The following RAB27B variants were observed in gnomAD, a reference collection of about 807,000 sequenced individuals.
The protein encoded by RAB27B is RAB27B, member RAS oncogene family, also known as ras-related protein Rab-27B.
Under a neutral mutation model 24.6 loss-of-function variants are expected in RAB27B, and 15 were observed. The ratio of observed to expected loss-of-function variants is 0.61; its 90% CI spans 0.41 to 0.94. RAB27B has a LOEUF of 0.94. RAB27B is among the 40% of genes least tolerant of loss of function. The pLI is 0.00. For missense variants in RAB27B, 261 were observed against 266.8 expected (o/e 0.98, Z 0.15); for synonymous variants, 105 against 92.5 (o/e 1.14, Z -0.78).
At position 54,884,905 on chromosome 18, in the gene RAB27B, G is replaced by A. The variant is rs79298285; in HGVS notation, c.343+469G>A. ...GGTGTGAAACCAGAGCAGACCAGTC[G>A]CATGATGATAAGGTGAGGCATAGCA... On this transcript the variant is annotated intron_variant, in intron 4 of 5. Transcript: ENST00000262094. Among the ~76,000 whole-genome samples the A allele has an allele frequency of 7.4e-3, 1,124 of 152,216 alleles. 6 individuals carry two copies. Among genetic ancestry groups the A allele is most frequent in the African/African-American group, 0.025 (1,027 of 41,532 alleles).
At chr18:54,788,162 T>A (rs975014293) in intron 2 of RAB27B, among the ~76,000 whole-genome samples, 8 of 152,136 alleles carry the variant, frequency 5.3e-5, no homozygotes, top group African/African-American at 1.9e-4. Context: ...CAAACTCAAA[T>A]GGGAGAAATT....
Position 54,819,980 on chromosome 18 carries a change from C to T in RAB27B, c.-19-57587C>T, listed in dbSNP as rs149932786. 8.5e-4 allele frequency among the ~76,000 whole-genome samples: 130 copies of T among 152,154 alleles called. No homozygotes were observed. The East Asian group carries it at 0.021, about 24-fold the overall frequency. ...ATTTTTTTGGCTGCATAGTATTCCACGGTGTATATGTGCCACATTTTCTTA... is the reference window on the plus strand; with the variant it reads ...ATTTTTTTGGCTGCATAGTATTCCATGGTGTATATGTGCCACATTTTCTTA... On this transcript the variant is annotated intron_variant, in intron 2 of 4. Coordinates refer to the RAB27B transcript ENST00000586570.
chr18:54,785,713 T>C (rs1357999334), intron 2 of RAB27B, among the ~76,000 whole-genome samples: 1 of 152,164 alleles, frequency 6.6e-6, no homozygotes, highest in African/African-American at 2.4e-5. Context: ...GTTAGGAACA[T>C]GAAAGGTATT....
At chr18:54,719,551 C>T (rs1909294322) in intron 2 of RAB27B, among the ~76,000 whole-genome samples, 1 of 151,926 alleles carries the variant, frequency 6.6e-6, no homozygotes, top group Non-Finnish European at 1.5e-5. Flanking sequence ...TGCTATATAA[C>T]ATTTCTTAGG....
intron 2 of RAB27B, among the ~76,000 whole-genome samples, chr18:54,773,411 A>T (rs144781808): frequency 2.0e-5 from 3 of 152,302 alleles, no homozygotes; most frequent in Admixed American, 6.5e-5. Flanking sequence ...CCAAAAGGAA[A>T]CAGACCACAA....
intron 2 of RAB27B, among the ~76,000 whole-genome samples, chr18:54,821,273 A>G (rs1568080461): frequency 6.6e-6 from 1 of 152,140 alleles, no homozygotes; most frequent in Non-Finnish European, 1.5e-5. Context: ...TCATGAGTGA[A>G]CTCCCATTCA....
chr18:54,786,630 T>G (rs1909095281), intron 2 of RAB27B, among the ~76,000 whole-genome samples: 1 of 152,274 alleles, frequency 6.6e-6, no homozygotes, highest in African/African-American at 2.4e-5. Flanking sequence ...AATTATTCTA[T>G]AAGTTCTTTA....
rs188147971 is a variant in RAB27B, at chr18:54,786,813, G to A, written c.-20+68672G>A. On this transcript the variant is annotated intron_variant, in intron 2 of 4. Transcript: ENST00000586570. ...TTTATCAACTGCAACTGAAAGAGGT[G>A]TGTTGACAATTAAATTCAGTTCAAT... 2.5e-3 allele frequency among the ~76,000 whole-genome samples: 385 copies of A among 152,312 alleles called. 1 individual carries two copies. The highest frequency in any genetic ancestry group is 8.9e-3 in the African/African-American group (371 of 41,568).
At chr18:54,780,349 T>C (rs1433139058) in intron 2 of RAB27B, among the ~76,000 whole-genome samples, 1 of 127,198 alleles carries the variant, frequency 7.9e-6, no homozygotes. Context: ...TCCCCTCTCC[T>C]GATGGTCTCC....
At chr18:54,777,762 C>G (rs1908761584) in intron 2 of RAB27B, among the ~76,000 whole-genome samples, 1 of 152,036 alleles carries the variant, frequency 6.6e-6, no homozygotes, top group Non-Finnish European at 1.5e-5. Flanking sequence ...TTTCTTATTT[C>G]CTTTATGCTG....
chr18:54,853,400 C>T (rs1911662778), intron 1 of RAB27B, among the ~76,000 whole-genome samples: 1 of 152,030 alleles, frequency 6.6e-6, no homozygotes, highest in Non-Finnish European at 1.5e-5. Flanking sequence ...AACTTGATGC[C>T]TGGCAGTCTA....
intron 2 of RAB27B, among the ~76,000 whole-genome samples, chr18:54,796,550 G>A (rs1433331239): frequency 6.6e-6 from 1 of 152,144 alleles, no homozygotes; most frequent in Non-Finnish European, 1.5e-5. Context: ...CTGGAGTCAG[G>A]ATGCCCAGAG....
rs1232824435 is a variant in RAB27B, at chr18:54,852,569, T to C, written c.-20+23869T>C. Among the ~76,000 whole-genome samples the C allele has an allele frequency of 1.3e-5, 2 of 152,230 alleles. 1 individual carries two copies. The highest frequency in any genetic ancestry group is 1.3e-4 in the Admixed American group (2 of 15,288). ...AGAAACCAAACAGGTCAAATTTCTT[T>C]AGGCTCAAGTTTCTTTGATCTGTAT... On this transcript the variant is annotated intron_variant, in intron 1 of 5. Coordinates refer to ENST00000262094, the MANE Select transcript of RAB27B (RefSeq NM_004163.4).
intron 1 of RAB27B, chr18:54,718,048 TTTATG>T (rs1311027615): frequency 6.6e-6 from 1 of 152,170 alleles, no homozygotes; most frequent in African/African-American, 2.4e-5. Flanking sequence ...ACTATATTAT[TTTATG>T]TTAATTTCCA....
chr18:54,776,828 G>A (rs1022170172), intron 2 of RAB27B, among the ~76,000 whole-genome samples: 3 of 152,118 alleles, frequency 2.0e-5, no homozygotes, highest in African/African-American at 7.2e-5. Flanking sequence ...GGAGGCCAAG[G>A]CTGGTGAATC....
intron 2 of RAB27B, among the ~76,000 whole-genome samples, chr18:54,813,191 A>G (rs1318561688): frequency 1.3e-5 from 2 of 152,192 alleles, no homozygotes; most frequent in African/African-American, 4.8e-5. Context: ...TGAAAAATAA[A>G]TAAGATAGGA....
At chr18:54,760,289 A>G (rs778239826) in intron 2 of RAB27B, among the ~76,000 whole-genome samples, 17 of 152,146 alleles carry the variant, frequency 1.1e-4, no homozygotes, top group Non-Finnish European at 2.2e-4. Flanking sequence ...GGTCAAGGGA[A>G]CCATCTCACT....
At chr18:54,801,008 G>GT (rs11363761) in intron 2 of RAB27B, among the ~76,000 whole-genome samples, 29,628 of 92,522 alleles carry the variant, frequency 0.32, 5,157 homozygotes, top group Middle Eastern at 0.4. Flanking sequence ...TTGTTCCTGT[G>GT]TTTTTTTTTT....
chr18:54,750,718 T>C (rs1907805574), intron 2 of RAB27B, among the ~76,000 whole-genome samples: 1 of 152,166 alleles, frequency 6.6e-6, no homozygotes, highest in Non-Finnish European at 1.5e-5. Context: ...ACTCAGGTTA[T>C]AGAGAAGAAT....
Sources: allele counts gnomAD v4.1 joint callset (sites outside exome capture counted in the v4.1 genomes callset), GRCh38; gene constraint gnomAD v4.1.1; transcripts MANE v1.5; gene names NCBI Gene and HGNC (gene_info 2026-07-23, HGNC 2026-07-21).